FRMD5: variants seen among roughly 807,000 people sequenced by gnomAD.
The protein encoded by FRMD5 is FERM domain containing 5, also known as FERM domain-containing protein 5.
A neutral mutation model predicts 69.0 loss-of-function variants in FRMD5; 20 were observed. The ratio of observed to expected loss-of-function variants is 0.29; its 90% CI spans 0.20 to 0.42. The LOEUF (loss-of-function observed/expected upper bound fraction) is 0.42. Ranked by LOEUF, FRMD5 falls within the 10% of genes least tolerant of loss-of-function variation. The pLI is 1.00. For synonymous variants in FRMD5, 271 were observed against 260.1 expected, an observed-to-expected ratio of 1.04 and a Z score of -0.40; for missense variants, 595 against 708.6, an observed-to-expected ratio of 0.84 and a Z score of 1.82.
intron 1 of FRMD5, among the ~76,000 whole-genome samples, chr15:44,019,508 G>A (rs951330222): frequency 6.6e-6 from 1 of 151,392 alleles, no homozygotes; most frequent in African/African-American, 2.4e-5. Context: ...GGCCGAGGCT[G>A]GTGGATCACC....
intron 1 of FRMD5, among the ~76,000 whole-genome samples, chr15:44,021,880 G>T (rs996402306): frequency 6.6e-6 from 1 of 151,826 alleles, no homozygotes; most frequent in Non-Finnish European, 1.5e-5. Context: ...ATAGCCAAAA[G>T]GTGGAAACAA....
intron 1 of FRMD5, among the ~76,000 whole-genome samples, chr15:43,998,540 G>T (rs893454820): frequency 6.6e-6 from 1 of 152,128 alleles, no homozygotes; most frequent in Non-Finnish European, 1.5e-5. Context: ...CACAGAGAGG[G>T]TGTCTGTCAA....
At chr15:44,049,727 C>T (rs1232317649) in intron 1 of FRMD5, among the ~76,000 whole-genome samples, 3 of 152,162 alleles carry the variant, frequency 2.0e-5, no homozygotes, top group Non-Finnish European at 4.4e-5. Flanking sequence ...TTAATACCTA[C>T]TATGTGCTGG....
intron 13 of FRMD5, among the ~76,000 whole-genome samples, chr15:43,882,203 G>A (rs902154161): frequency 1.3e-5 from 2 of 152,136 alleles, no homozygotes; most frequent in Non-Finnish European, 2.9e-5. Context: ...ATAGATTGTT[G>A]GCCTCAGCTA....
At chr15:43,965,262 T>C (rs2929276) in intron 1 of FRMD5, among the ~76,000 whole-genome samples, 1,696 of 152,310 alleles carry the variant, frequency 0.011, 28 homozygotes, top group African/African-American at 0.038. Context: ...AAAACAACTA[T>C]GATCATTCAC....
At chr15:44,157,464 T>A (rs954202691) in intron 1 of FRMD5, among the ~76,000 whole-genome samples, 2 of 152,212 alleles carry the variant, frequency 1.3e-5, no homozygotes, top group Non-Finnish European at 2.9e-5. Context: ...CACTGTAGTA[T>A]CCTACAGGTA....
At chr15:44,136,082 C>T (rs1191638543) in intron 1 of FRMD5, among the ~76,000 whole-genome samples, 3 of 151,976 alleles carry the variant, frequency 2.0e-5, no homozygotes, top group African/African-American at 4.8e-5. Context: ...AGTACAGTGG[C>T]GCCATCTTGG....
At chr15:43,975,929 T>A (rs2090455093) in intron 1 of FRMD5, among the ~76,000 whole-genome samples, 1 of 151,748 alleles carries the variant, frequency 6.6e-6, no homozygotes, top group Non-Finnish European at 1.5e-5. Context: ...GACAAATAGA[T>A]CAACAGAACA....
chr15:43,888,555 AAG>A (rs1472121364), intron 9 of FRMD5, among the ~76,000 whole-genome samples: 1 of 152,208 alleles, frequency 6.6e-6, no homozygotes, highest in African/African-American at 2.4e-5. Flanking sequence ...ACGAAAGAAA[AAG>A]AGCCTTCCTT....
chr15:44,195,492 C>A (rs1249715864), upstream of FRMD5, among the ~76,000 whole-genome samples: 1 of 152,214 alleles, frequency 6.6e-6, no homozygotes, highest in East Asian at 1.9e-4. Flanking sequence ...GGGTTCCTCT[C>A]CGCCCCGTGG....
intron 1 of FRMD5, among the ~76,000 whole-genome samples, chr15:43,934,657 G>A (rs1208124449): frequency 6.6e-6 from 1 of 152,144 alleles, no homozygotes; most frequent in African/African-American, 2.4e-5. Flanking sequence ...CTAGAGTCTG[G>A]TCATTTTACA....
intron 7 of FRMD5, among the ~76,000 whole-genome samples, chr15:43,898,563 C>T (rs901353701): frequency 2.6e-5 from 4 of 152,310 alleles, no homozygotes; most frequent in East Asian, 3.9e-4. Context: ...AGGACATCTC[C>T]GTAAGTTGGG....
chr15:43,956,690 T>G (rs904400537), intron 1 of FRMD5, among the ~76,000 whole-genome samples: 2 of 152,224 alleles, frequency 1.3e-5, no homozygotes, highest in Non-Finnish European at 2.9e-5. Flanking sequence ...CTCCAAGGCA[T>G]TAAACAAAAT....
At chr15:44,171,694 C>T (rs2077806740) in intron 1 of FRMD5, among the ~76,000 whole-genome samples, 1 of 152,124 alleles carries the variant, frequency 6.6e-6, no homozygotes, top group African/African-American at 2.4e-5. Context: ...GTCTTTCTAC[C>T]CCTCCATGAA....
At chr15:44,160,603 AAC>A (rs2077601547) in intron 1 of FRMD5, among the ~76,000 whole-genome samples, 1 of 152,252 alleles carries the variant, frequency 6.6e-6, no homozygotes, top group Non-Finnish European at 1.5e-5. Context: ...CCTGTATTAT[AAC>A]ATTCTTCTAT....
In FRMD5 at chr15:43,966,569, A is replaced by T. The variant is rs16952165; in HGVS notation, c.103-42260T>A. 6.7e-3 allele frequency among the ~76,000 whole-genome samples: 1,017 copies of T among 152,222 alleles called. 17 individuals carry two copies. The highest frequency in any genetic ancestry group is 0.023 in the African/African-American group (966 of 41,538). On this transcript the variant is annotated intron_variant, in intron 1 of 13. Coordinates refer to ENST00000417257, the MANE Select transcript of FRMD5 (RefSeq NM_032892.5). ...ACATGGTCTGGAAGGGTTTAGGAAG[A>T]CTCCATAGAAGAGAAGGAGGGATGA...
At chr15:44,153,113 G>A (rs1010351884) in intron 1 of FRMD5, among the ~76,000 whole-genome samples, 2 of 152,120 alleles carry the variant, frequency 1.3e-5, no homozygotes, top group East Asian at 1.9e-4. Context: ...CTATTGGTGG[G>A]ACTATAAAAT....
chr15:43,946,731 G>A (rs570110266), intron 1 of FRMD5, among the ~76,000 whole-genome samples: 2 of 152,264 alleles, frequency 1.3e-5, no homozygotes, highest in Admixed American at 6.5e-5. Context: ...TTCCCAGGAT[G>A]GAAGGGGGTC....
At chr15:43,910,570 C>A in intron 4 of FRMD5, among the ~76,000 whole-genome samples, 1 of 72,364 alleles carries the variant, frequency 1.4e-5, no homozygotes. Context: ...GAGACCTTGT[C>A]TCAAAAAAAA....
Sources: allele counts gnomAD v4.1 joint callset (sites outside exome capture counted in the v4.1 genomes callset), GRCh38; gene constraint gnomAD v4.1.1; transcripts MANE v1.5; gene names NCBI Gene and HGNC (gene_info 2026-07-23, HGNC 2026-07-21).